RPTOR: variants seen among roughly 807,000 people sequenced by gnomAD.
RPTOR encodes the protein regulatory associated protein of MTOR complex 1, also known as regulatory-associated protein of mTOR.
RPTOR carries 21 observed loss-of-function variants against 169.9 expected under a neutral mutation model. The observed-to-expected ratio is 0.12, with a 90% CI of 0.09 to 0.18. The LOEUF (loss-of-function observed/expected upper bound fraction) is 0.18. Among genes scored for constraint, RPTOR ranks in the 10% least tolerant of loss-of-function variants. The pLI is 1.00. For synonymous variants in RPTOR, 732 were observed against 753.2 expected, an observed-to-expected ratio of 0.97 and a Z score of 0.46; for missense variants, 1,133 against 1,855.9, an observed-to-expected ratio of 0.61 and a Z score of 7.16.
intron 1 of RPTOR, among the ~76,000 whole-genome samples, chr17:80,552,370 T>G (rs2143214217): frequency 6.6e-6 from 1 of 152,308 alleles, no homozygotes; most frequent in Non-Finnish European, 1.5e-5. Flanking sequence ...TGGCCCCTTC[T>G]CGTCGTTCAT....
chr17:80,940,039 G>C (rs977248788), intron 24 of RPTOR, among the ~76,000 whole-genome samples: 5 of 152,202 alleles, frequency 3.3e-5, no homozygotes, highest in African/African-American at 1.2e-4. Context: ...ACCCACAACA[G>C]CCCGTGCCTC....
intron 24 of RPTOR, among the ~76,000 whole-genome samples, chr17:80,930,427 ATCC>A (rs2068878874): frequency 0.015 from 7 of 472 alleles, no homozygotes; most frequent in South Asian, 0.042. Context: ...TCCTCAGCTC[ATCC>A]TCATCCCCAG....
chr17:80,917,751 G>A (rs2068691224), intron 21 of RPTOR, among the ~76,000 whole-genome samples: 1 of 152,128 alleles, frequency 6.6e-6, no homozygotes, highest in Non-Finnish European at 1.5e-5. Flanking sequence ...TTGCCACCGT[G>A]ATCCCTCCCT....
chr17:80,763,823 C>G (rs1372881129), intron 6 of RPTOR, among the ~76,000 whole-genome samples: 1 of 152,154 alleles, frequency 6.6e-6, no homozygotes, highest in Non-Finnish European at 1.5e-5. Flanking sequence ...AGTCTGAAAA[C>G]TAAAATCTTA....
At chr17:80,727,507 G>A (rs1050549846) in intron 4 of RPTOR, among the ~76,000 whole-genome samples, 2 of 150,696 alleles carry the variant, frequency 1.3e-5, no homozygotes, top group African/African-American at 4.9e-5. Flanking sequence ...ATCATGCTCT[G>A]AGAACGTGGA....
Position 80,913,625 on chromosome 17 carries a change from G to T in RPTOR, c.2520+4696G>T, listed in dbSNP as rs60784682. Among the ~76,000 whole-genome samples the T allele has an allele frequency of 2.7e-3, 410 of 151,964 alleles. 3 individuals carry two copies. The highest frequency in any genetic ancestry group is 9.5e-3 in the African/African-American group (394 of 41,476). On this transcript the variant is annotated intron_variant, in intron 21 of 33. Transcript: ENST00000306801. Reference sequence around the variant, plus strand: ...GCACCACCATGCCTAGCTAATTTTCGTATTTTTTGTAGAGATGGGGTTTCA... The same window carrying T: ...GCACCACCATGCCTAGCTAATTTTCTTATTTTTTGTAGAGATGGGGTTTCA...
chr17:80,681,662 G>GTTGAATT (rs1567854330), intron 3 of RPTOR, among the ~76,000 whole-genome samples: 11 of 85,168 alleles, frequency 1.3e-4, no homozygotes, highest in African/African-American at 5.1e-4. Flanking sequence ...CCTTCATGAG[G>GTTGAATT]TGTACGTCTC....
At chr17:80,846,693 C>A in intron 11 of RPTOR, 119 bp downstream of exon 11, 5 of 764,696 alleles carry the variant, frequency 6.5e-6, no homozygotes, top group Non-Finnish European at 1.1e-5. Context: ...GACATCCCAG[C>A]CCCTCTGCCC....
At chr17:80,571,445 T>C (rs2064905124) in intron 1 of RPTOR, among the ~76,000 whole-genome samples, 1 of 152,226 alleles carries the variant, frequency 6.6e-6, no homozygotes, top group African/African-American at 2.4e-5. Context: ...GACTTCTTTA[T>C]GTGTTGCACC....
At chr17:80,872,869 G>A (rs2068066728) in intron 13 of RPTOR, among the ~76,000 whole-genome samples, 1 of 152,136 alleles carries the variant, frequency 6.6e-6, no homozygotes, top group Non-Finnish European at 1.5e-5. Context: ...CAACTTCAGG[G>A]CCCCATGATT....
chr17:80,774,657 G>A (rs540520445), intron 6 of RPTOR, among the ~76,000 whole-genome samples: 1 of 152,288 alleles, frequency 6.6e-6, no homozygotes, highest in Non-Finnish European at 1.5e-5. Flanking sequence ...TACTTTACAC[G>A]AGAACCAGCT....
chr17:80,676,775 C>T (rs2065864149), intron 3 of RPTOR, among the ~76,000 whole-genome samples: 1 of 152,218 alleles, frequency 6.6e-6, no homozygotes, highest in South Asian at 2.1e-4. Context: ...CCTCAGTGGC[C>T]TCAGGCTCTG....
intron 6 of RPTOR, among the ~76,000 whole-genome samples, chr17:80,766,110 C>T (rs2066784408): frequency 6.6e-6 from 1 of 152,056 alleles, no homozygotes; most frequent in Non-Finnish European, 1.5e-5. Context: ...GGCTGGAGTG[C>T]AGTGGTGTGA....
At position 80,730,778 on chromosome 17, in the gene RPTOR, G is replaced by A. The variant is rs1257855754; in HGVS notation, c.654+72G>A. 2 of 935,714 alleles carry A rather than the reference G, an allele frequency of 2.1e-6. No homozygotes were observed. Among genetic ancestry groups the A allele is most frequent in the Non-Finnish European group, 3.3e-6 (2 of 610,086 alleles). The allele number at this position is 935,714 out of a possible 1,614,324, so 58.0% of individuals were successfully genotyped here. A position where few individuals can be genotyped will look rare whatever the true frequency, so the allele number is the denominator to read the frequency against. On this transcript the variant is annotated intron_variant, in intron 5 of 33. Coordinates refer to ENST00000306801, the MANE Select transcript of RPTOR (RefSeq NM_020761.3). This position sits in a 1 kb window ranked among gnomAD's most constrained non-coding sequence, Gnocchi z 4.2. ...TTCCCTGGGGGTGGGGTTTGGGTGG[G>A]GAGGTTGGGAGGTGTTGGACATCCT...
Position 80,665,195 on chromosome 17 carries a change from G to T in RPTOR, c.348+21385G>T, listed in dbSNP as rs531345915. ...TCCTCTCCATTATCCTAATTAGGTG[G>T]TTTGCCGGTTGTTACACATCAAAGA... On this transcript the variant is annotated intron_variant, in intron 3 of 33. Transcript: ENST00000306801. Among the ~76,000 whole-genome samples, 9 of 152,228 alleles carry T rather than the reference G, an allele frequency of 5.9e-5. No individual in the cohort carries two copies. The South Asian group carries it at 1.9e-3, about 32-fold the overall frequency.
rs147712364 is a variant in RPTOR at position 80,809,027 on chromosome 17, G to A, written c.891-13174G>A. Among the ~76,000 whole-genome samples the A allele has an allele frequency of 1.8e-3, 269 of 152,312 alleles. 2 individuals are homozygous for A. Among genetic ancestry groups the A allele is most frequent in the African/African-American group, 5.9e-3 (247 of 41,566 alleles). ...TATTCATTTCTCCTGGATAAATACCGGAGAGTGAATTGCTTGGTCATATGG... is the reference window on the plus strand; with the variant it reads ...TATTCATTTCTCCTGGATAAATACCAGAGAGTGAATTGCTTGGTCATATGG... On this transcript the variant is annotated intron_variant, in intron 7 of 33. Coordinates refer to ENST00000306801, the MANE Select transcript of RPTOR (RefSeq NM_020761.3).
chr17:80,896,713 G>C (rs1318229614), intron 20 of RPTOR, among the ~76,000 whole-genome samples: 1 of 152,228 alleles, frequency 6.6e-6, no homozygotes, highest in Non-Finnish European at 1.5e-5. Flanking sequence ...CAGGCTTTCT[G>C]TGTCGACAGC....
At chr17:80,585,139 T>C (rs1018432233) in intron 1 of RPTOR, among the ~76,000 whole-genome samples, 16 of 151,618 alleles carry the variant, frequency 1.1e-4, no homozygotes, top group South Asian at 2.1e-4. Context: ...AGTTTTATAA[T>C]ATCCTGTTCT....
Position 80,925,395 on chromosome 17 carries a change from C to T in RPTOR, c.2834C>T (p.Ala945Val). 1.2e-6 allele frequency: 2 copies of T among 1,613,788 alleles called. No individual in the cohort carries two copies. Reference sequence around the variant, plus strand: ...ACTGCGGACGACGCGGACGATGCTGCTGGACACAAAAGTTTCATCTCCGCC... The same window carrying T: ...ACTGCGGACGACGCGGACGATGCTGTTGGACACAAAAGTTTCATCTCCGCC... ...EQTADDADDA[A>V]GHKSFISATV... Residue 945 changes from alanine to valine, a missense_variant, in exon 24 of 34, where the codon GCT becomes GTT. Ala to Val is a moderately conservative substitution (Grantham distance 64). Transcript: ENST00000306801.
Sources: gnomAD v4.1 joint callset for allele counts (sites outside exome capture counted in the v4.1 genomes callset) on GRCh38, gnomAD v4.1.1 for gene constraint, Gnocchi (gnomAD v3.1) non-coding constraint, MANE v1.5 for transcripts, NCBI Gene and HGNC (gene_info 2026-07-23, HGNC 2026-07-21) for gene names.